The following MBOAT1 variants were observed in gnomAD, a reference collection of about 807,000 sequenced individuals.
MBOAT1 encodes membrane bound glycerophospholipid O-acyltransferase 1.
In MBOAT1, 67 loss-of-function variants were observed where a neutral mutation model predicts 64.4. The observed-to-expected ratio is 1.04, with a 90% CI of 0.85 to 1.27. The LOEUF (loss-of-function observed/expected upper bound fraction) is 1.27. MBOAT1 is among the 50% of genes most tolerant of loss of function. The pLI, the probability that MBOAT1 is intolerant of heterozygous loss-of-function variation, is 0.00. For synonymous variants in MBOAT1, 229 were observed against 218.9 expected (o/e 1.05, Z -0.41); for missense variants, 563 against 604.6 (o/e 0.93, Z 0.72).
At chr6:20,189,850 T>G (rs568452081) in intron 1 of MBOAT1, among the ~76,000 whole-genome samples, 1 of 152,172 alleles carries the variant, frequency 6.6e-6, no homozygotes, top group Non-Finnish European at 1.5e-5. Context: ...CATGTTGTAC[T>G]AAAGGGCAGG....
chr6:20,198,867 G>A (rs902944545), intron 1 of MBOAT1, among the ~76,000 whole-genome samples: 1 of 152,232 alleles, frequency 6.6e-6, no homozygotes, highest in African/African-American at 2.4e-5. Flanking sequence ...CATTGTTAAT[G>A]TTAAATCAAG....
At chr6:20,111,590 G>A (rs1054513290) in intron 11 of MBOAT1, among the ~76,000 whole-genome samples, 2 of 151,814 alleles carry the variant, frequency 1.3e-5, no homozygotes, top group African/African-American at 4.8e-5. Context: ...AGACACCTGA[G>A]GGAATAATAC....
At chr6:20,181,579 G>A (rs193064566) in intron 1 of MBOAT1, among the ~76,000 whole-genome samples, 28 of 152,318 alleles carry the variant, frequency 1.8e-4, no homozygotes, top group East Asian at 1.7e-3. Flanking sequence ...GTGCTACACC[G>A]TACTGTGCTT....
intron 1 of MBOAT1, among the ~76,000 whole-genome samples, chr6:20,186,098 G>T (rs887793377): frequency 6.6e-6 from 1 of 152,140 alleles, no homozygotes; most frequent in East Asian, 1.9e-4. Flanking sequence ...CTGGATGATC[G>T]CTTGAGCCTA....
At chr6:20,211,955 A>G (rs1466874275) in intron 1 of MBOAT1, 181 bp downstream of exon 1, 5 of 554,014 alleles carry the variant, frequency 9.0e-6, no homozygotes, top group Non-Finnish European at 1.6e-5. Context: ...ACTAACACCA[A>G]CTCAAGAAGG....
At chr6:20,127,522 C>CTTA (rs1251353600) in intron 6 of MBOAT1, among the ~76,000 whole-genome samples, 2 of 152,114 alleles carry the variant, frequency 1.3e-5, no homozygotes, top group South Asian at 2.1e-4. Flanking sequence ...CTTACATTAC[C>CTTA]GCCTGAGCGC....
chr6:20,168,640 A>AGAGGAGAG (rs1762096764), intron 1 of MBOAT1, among the ~76,000 whole-genome samples: 2 of 53,744 alleles, frequency 3.7e-5, no homozygotes, highest in Admixed American at 1.9e-4. Flanking sequence ...AGAGAAGAGA[A>AGAGGAGAG]GAGAGGAGAG....
At chr6:20,190,010 T>C (rs1479028528) in intron 1 of MBOAT1, among the ~76,000 whole-genome samples, 1 of 152,128 alleles carries the variant, frequency 6.6e-6, no homozygotes, top group African/African-American at 2.4e-5. Flanking sequence ...TTTTTTACCT[T>C]TTTCGAGAGA....
intron 4 of MBOAT1, among the ~76,000 whole-genome samples, chr6:20,139,165 G>A (rs1279597948): frequency 6.6e-6 from 1 of 152,102 alleles, no homozygotes; most frequent in East Asian, 1.9e-4. Context: ...TCACCCTGTC[G>A]CCCAGGCTGG....
intron 1 of MBOAT1, among the ~76,000 whole-genome samples, chr6:20,201,149 T>G (rs1763112061): frequency 6.6e-6 from 1 of 152,220 alleles, no homozygotes; most frequent in Admixed American, 6.5e-5. Flanking sequence ...AGTTATTCTT[T>G]GGTCTCTCAG....
chr6:20,159,050 C>CA (rs1761773964), intron 1 of MBOAT1, among the ~76,000 whole-genome samples: 1 of 152,160 alleles, frequency 6.6e-6, no homozygotes, highest in African/African-American at 2.4e-5. Flanking sequence ...GCCACATGAT[C>CA]CAGCAATCAC....
chr6:20,177,416 A>G (rs1191602916), intron 1 of MBOAT1, among the ~76,000 whole-genome samples: 1 of 151,858 alleles, frequency 6.6e-6, no homozygotes, highest in Non-Finnish European at 1.5e-5. Context: ...CCAGTCTTGA[A>G]CTCCTGGGCT....
intron 9 of MBOAT1, among the ~76,000 whole-genome samples, chr6:20,117,890 C>T (rs1760374751): frequency 6.6e-6 from 1 of 152,118 alleles, no homozygotes; most frequent in Non-Finnish European, 1.5e-5. Flanking sequence ...AAGGAGCCAC[C>T]TCTGATAATG....
In MBOAT1 at chr6:20,112,930, A is replaced by G; in HGVS notation, c.1155T>C (p.Pro385=). 3 of 1,614,178 alleles carry G rather than the reference A, an allele frequency of 1.9e-6. No homozygotes were observed. The highest frequency in any genetic ancestry group is 2.5e-6 in the Non-Finnish European group (3 of 1,180,012). The change falls in exon 11 of 13, where the codon CCT becomes CCC. Residue 385 remains proline (P), a synonymous_variant. Coordinates refer to ENST00000324607, the MANE Select transcript of MBOAT1 (RefSeq NM_001080480.3). ...CAGTTAAGAAGGTAAAATAGTATCC[A>G]GGGTAGACACCATGCCACAAAGCAG... ...ILSALWHGVY[P]GYYFTFLTGI... is the part of the protein sequence containing the mutation.
At chr6:20,113,243 T>G (rs1187972910) in intron 10 of MBOAT1, among the ~76,000 whole-genome samples, 2 of 152,206 alleles carry the variant, frequency 1.3e-5, no homozygotes, top group African/African-American at 2.4e-5. Flanking sequence ...ATGTTATACA[T>G]TTTTAACCTC....
At chr6:20,163,548 A>T (rs1252628990) in intron 1 of MBOAT1, among the ~76,000 whole-genome samples, 2 of 152,152 alleles carry the variant, frequency 1.3e-5, no homozygotes, top group Non-Finnish European at 2.9e-5. Context: ...AAATTTACCC[A>T]AAATCATACA....
At chr6:20,182,888 C>A (rs371877087) in intron 1 of MBOAT1, among the ~76,000 whole-genome samples, 4 of 152,278 alleles carry the variant, frequency 2.6e-5, no homozygotes, top group African/African-American at 9.6e-5. Flanking sequence ...GAGGGGGTGA[C>A]AATGGAACTC....
intron 1 of MBOAT1, among the ~76,000 whole-genome samples, chr6:20,179,568 A>G (rs1762450689): frequency 6.6e-6 from 1 of 152,172 alleles, no homozygotes; most frequent in Admixed American, 6.5e-5. Flanking sequence ...GTCAACCTAA[A>G]TGGGCATTTA....
intron 1 of MBOAT1, among the ~76,000 whole-genome samples, chr6:20,185,946 C>T (rs61153239): frequency 0.1 from 15,916 of 152,088 alleles, 1,175 homozygotes; most frequent in African/African-American, 0.21. Context: ...CTTTGGGAGG[C>T]TGAGGTGGGA....
Sources: gnomAD v4.1 joint callset for allele counts (sites outside exome capture counted in the v4.1 genomes callset) on GRCh38, gnomAD v4.1.1 for gene constraint, MANE v1.5 for transcripts, NCBI Gene and HGNC (gene_info 2026-07-23, HGNC 2026-07-21) for gene names.